LRP1B: variants seen among roughly 807,000 people sequenced by gnomAD.
The protein encoded by LRP1B is LDL receptor related protein 1B, also known as low-density lipoprotein receptor-related protein 1B.
LRP1B carries 217 observed loss-of-function variants against 556.6 expected under a neutral mutation model. That is an observed-to-expected ratio of 0.39 (90% CI 0.35 to 0.44). The LOEUF is 0.44. Ranked by LOEUF, LRP1B falls within the 20% of genes least tolerant of loss-of-function variation. The pLI is 1.00. For missense variants in LRP1B, 5,053 were observed against 5,620.8 expected, an observed-to-expected ratio of 0.90 and a Z score of 3.23; for synonymous variants, 2,047 against 1,865.8, an observed-to-expected ratio of 1.10 and a Z score of -2.50.
chr2:141,884,862 C>T (rs1189456258), intron 1 of LRP1B, among the ~76,000 whole-genome samples: 1 of 152,066 alleles, frequency 6.6e-6, no homozygotes, highest in African/African-American at 2.4e-5. Context: ...GTCACACTAA[C>T]CCGGTGAATA....
Position 140,450,653 on chromosome 2 carries a change from G to T in LRP1B, c.9972C>A (p.Cys3324Ter). The change falls in exon 63 of 91, where the codon TGC (cysteine) becomes TGA (stop). Residue 3324 changes from cysteine (C) to a stop codon, truncating the protein, a stop_gained. Coordinates refer to ENST00000389484, the MANE Select transcript of LRP1B (RefSeq NM_018557.3). LOFTEE classifies it high-confidence loss of function. ...LSNCTASQFR[C>*]KTDKCIPFWW... ...AGAATGGAATACATTTGTCAGTTTT[G>T]CAACGAAACTTAAAAAAGAAAAAAA... 1 of 1,605,520 alleles carries T rather than the reference G, an allele frequency of 6.2e-7. No individual in the cohort carries two copies. Among genetic ancestry groups the T allele is most frequent in the Non-Finnish European group, 8.5e-7 (1 of 1,176,426 alleles).
chr2:141,163,002 G>C (rs1003566336), intron 7 of LRP1B, among the ~76,000 whole-genome samples: 6 of 152,178 alleles, frequency 3.9e-5, no homozygotes, highest in African/African-American at 1.4e-4. Flanking sequence ...GGAGGAAAGA[G>C]GTTTGTCATC....
At chr2:142,074,239 G>A (rs753766250) in intron 1 of LRP1B, among the ~76,000 whole-genome samples, 6 of 152,030 alleles carry the variant, frequency 3.9e-5, no homozygotes, top group Non-Finnish European at 7.4e-5. Flanking sequence ...ATACTGGCAA[G>A]TTTTATTACC....
At chr2:142,115,499 A>AAT (rs1327229412) in intron 1 of LRP1B, among the ~76,000 whole-genome samples, 3 of 84,978 alleles carry the variant, frequency 3.5e-5, no homozygotes, top group Admixed American at 1.7e-4. Flanking sequence ...AATTATATAT[A>AAT]ATATATATTA....
intron 35 of LRP1B, among the ~76,000 whole-genome samples, chr2:140,753,793 C>T (rs189392046): frequency 6.9e-4 from 105 of 152,212 alleles, no homozygotes; most frequent in African/African-American, 2.4e-3. Context: ...TAAAAAGTCT[C>T]ATTTGGAAAA....
At chr2:141,573,831 A>C (rs2105267364) in intron 2 of LRP1B, among the ~76,000 whole-genome samples, 1 of 152,280 alleles carries the variant, frequency 6.6e-6, no homozygotes, top group Non-Finnish European at 1.5e-5. Flanking sequence ...CTATGCAAAA[A>C]AATTAGAAAA....
chr2:141,566,198 A>C (rs1232576144), intron 2 of LRP1B, among the ~76,000 whole-genome samples: 2 of 152,022 alleles, frequency 1.3e-5, no homozygotes, highest in African/African-American at 4.8e-5. Flanking sequence ...GATCCCTCCA[A>C]TATCCTCCTG....
intron 3 of LRP1B, among the ~76,000 whole-genome samples, chr2:141,409,375 T>C (rs1233888919): frequency 1.3e-5 from 2 of 152,124 alleles, no homozygotes; most frequent in Non-Finnish European, 1.5e-5. Context: ...TATTTGTTCA[T>C]TAGCAAAATG....
chr2:141,488,349 T>G (rs1683192226), intron 2 of LRP1B, among the ~76,000 whole-genome samples: 1 of 152,156 alleles, frequency 6.6e-6, no homozygotes, highest in Admixed American at 6.6e-5. Context: ...AAAATTAAAA[T>G]TATGCAGTTT....
chr2:141,473,253 G>T lies in LRP1B; in HGVS notation c.343+7143C>A, dbSNP rs151009675. On this transcript the variant is annotated intron_variant, in intron 3 of 90. Transcript: ENST00000389484. ...TACATACATACATATGTGCAAATATGCATGTGTATATACGTTTATATATAC... is the reference window on the plus strand; with the variant it reads ...TACATACATACATATGTGCAAATATTCATGTGTATATACGTTTATATATAC... Among the ~76,000 whole-genome samples the T allele has an allele frequency of 5.7e-3, 868 of 152,202 alleles. 2 individuals carry two copies. The highest frequency in any genetic ancestry group is 9.7e-3 in the Non-Finnish European group (658 of 68,010).
intron 27 of LRP1B, among the ~76,000 whole-genome samples, chr2:140,858,466 A>C (rs988103271): frequency 2.0e-5 from 3 of 148,230 alleles, no homozygotes; most frequent in African/African-American, 7.4e-5. Context: ...CTGCTAAAAA[A>C]ATTATTTTAT....
intron 1 of LRP1B, among the ~76,000 whole-genome samples, chr2:141,935,048 G>A (rs1395260503): frequency 1.6e-5 from 1 of 61,082 alleles, no homozygotes; most frequent in East Asian, 9.5e-4. Flanking sequence ...GGACTCTGGT[G>A]ATCTCCTCTA....
intron 7 of LRP1B, among the ~76,000 whole-genome samples, chr2:141,096,651 A>AGGGG (rs1700322030): frequency 8.7e-6 from 1 of 115,394 alleles, no homozygotes; most frequent in African/African-American, 3.2e-5. Context: ...AGAGAGAGAG[A>AGGGG]GAGAGAGAGA....
At chr2:140,942,368 G>A (rs924812749) in intron 20 of LRP1B, among the ~76,000 whole-genome samples, 1 of 152,146 alleles carries the variant, frequency 6.6e-6, no homozygotes, top group African/African-American at 2.4e-5. Context: ...AAACATATTT[G>A]AGGATATAGT....
intron 7 of LRP1B, among the ~76,000 whole-genome samples, chr2:141,063,748 A>G (rs1190075614): frequency 2.6e-5 from 4 of 151,888 alleles, no homozygotes; most frequent in Admixed American, 6.6e-5. Flanking sequence ...CTTTCTTACT[A>G]TAGAACAGTC....
At chr2:141,481,964 G>T (rs932990065) in intron 2 of LRP1B, among the ~76,000 whole-genome samples, 1 of 151,998 alleles carries the variant, frequency 6.6e-6, no homozygotes, top group Non-Finnish European at 1.5e-5. Flanking sequence ...CTTTTCTGTT[G>T]TAAACCCCTT....
chr2:140,413,716 C>G (rs1045775707), intron 66 of LRP1B, among the ~76,000 whole-genome samples: 1 of 152,078 alleles, frequency 6.6e-6, no homozygotes, highest in Non-Finnish European at 1.5e-5. Flanking sequence ...ATTTATTCCA[C>G]GATAAGCAAA....
intron 79 of LRP1B, among the ~76,000 whole-genome samples, chr2:140,331,261 G>T (rs1178303994): frequency 6.6e-6 from 1 of 152,072 alleles, no homozygotes; most frequent in African/African-American, 2.4e-5. Context: ...ATGCGATCAT[G>T]TCCTTTGCAG....
chr2:141,114,953 G>T (rs558477988), intron 7 of LRP1B, among the ~76,000 whole-genome samples: 8 of 152,178 alleles, frequency 5.3e-5, no homozygotes, highest in Non-Finnish European at 1.2e-4. Flanking sequence ...CACCCTTGAG[G>T]GTAGTTATCT....
Sources: allele counts gnomAD v4.1 joint callset (sites outside exome capture counted in the v4.1 genomes callset), GRCh38; gene constraint gnomAD v4.1.1; transcripts MANE v1.5; gene names NCBI Gene and HGNC (gene_info 2026-07-23, HGNC 2026-07-21).